The following MACROD2 variants were observed in gnomAD, a reference collection of about 807,000 sequenced individuals.
The protein encoded by MACROD2 is mono-ADP ribosylhydrolase 2, also known as ADP-ribose glycohydrolase MACROD2.
In MACROD2, 36 loss-of-function variants were observed where a neutral mutation model predicts 70.4. The ratio of observed to expected loss-of-function variants is 0.51; its 90% CI spans 0.39 to 0.68. MACROD2 has a LOEUF of 0.68. Among genes scored for constraint, MACROD2 ranks in the 30% least tolerant of loss-of-function variants. MACROD2 has a pLI of 0.00. For missense variants in MACROD2, 496 were observed against 538.4 expected, an observed-to-expected ratio of 0.92 and a Z score of 0.78; for synonymous variants, 172 against 178.8, an observed-to-expected ratio of 0.96 and a Z score of 0.30.
At chr20:15,066,821 G>A (rs1472364724) in intron 5 of MACROD2, among the ~76,000 whole-genome samples, 1 of 151,622 alleles carries the variant, frequency 6.6e-6, no homozygotes, top group Non-Finnish European at 1.5e-5. Context: ...GGCGGAGGTT[G>A]CAGTGAGCCA....
intron 3 of MACROD2, among the ~76,000 whole-genome samples, chr20:14,273,351 T>C (rs1319327668): frequency 9.3e-5 from 14 of 151,220 alleles, no homozygotes; most frequent in Admixed American, 7.3e-4. Flanking sequence ...CACTCAAAAC[T>C]GCTCAACTAC....
intron 3 of MACROD2, among the ~76,000 whole-genome samples, chr20:14,089,374 A>G (rs2054119844): frequency 6.6e-6 from 1 of 152,176 alleles, no homozygotes. Flanking sequence ...AGCTGCCTCT[A>G]CTGAGAGGGG....
intron 8 of MACROD2, among the ~76,000 whole-genome samples, chr20:15,777,181 A>AC (rs1282934681): frequency 3.3e-5 from 5 of 152,152 alleles, no homozygotes; most frequent in African/African-American, 1.2e-4. Flanking sequence ...TTACTACAGC[A>AC]TAAATATGTT....
At chr20:14,901,548 G>C (rs916201180) in intron 5 of MACROD2, among the ~76,000 whole-genome samples, 5 of 152,088 alleles carry the variant, frequency 3.3e-5, no homozygotes, top group African/African-American at 1.2e-4. Flanking sequence ...TCTACTATTT[G>C]TAATTTCATG....
chr20:14,853,030 G>A (rs2073215318), intron 5 of MACROD2, among the ~76,000 whole-genome samples: 2 of 151,920 alleles, frequency 1.3e-5, no homozygotes, highest in Non-Finnish European at 1.5e-5. Context: ...GAAGGGCCTG[G>A]TCATAGAAGG....
chr20:15,641,227 T>C (rs558881742), intron 8 of MACROD2, among the ~76,000 whole-genome samples: 28 of 152,358 alleles, frequency 1.8e-4, no homozygotes, highest in African/African-American at 5.0e-4. Flanking sequence ...GTTTTTCTTA[T>C]TCTTTTCTTC....
chr20:15,976,009 CAA>C (rs2066300921), intron 13 of MACROD2, among the ~76,000 whole-genome samples: 1 of 152,040 alleles, frequency 6.6e-6, no homozygotes, highest in Admixed American at 6.6e-5. Context: ...TCAAGTTTAA[CAA>C]AAAGACACAA....
In MACROD2 at chr20:15,888,944, C is replaced by A. The variant is rs175787; in HGVS notation, c.775+3133C>A. ...AGGCCTTTAACTGCTGCCTTTCCCCCGCCCTGCATCAATTCTTCTCATTCA... is the reference window on the plus strand; with the variant it reads ...AGGCCTTTAACTGCTGCCTTTCCCCAGCCCTGCATCAATTCTTCTCATTCA... On this transcript the variant is annotated intron_variant, in intron 10 of 17. Coordinates refer to ENST00000684519, the MANE Select transcript of MACROD2 (RefSeq NM_001351661.2). Among the ~76,000 whole-genome samples, 11 of 152,242 alleles carry A rather than the reference C, an allele frequency of 7.2e-5. No individual in the cohort carries two copies. In the East Asian group the frequency reaches 1.4e-3, roughly 19 times the overall value.
chr20:14,341,533 G>A (rs754600198), intron 3 of MACROD2, among the ~76,000 whole-genome samples: 1 of 152,190 alleles, frequency 6.6e-6, no homozygotes, highest in Non-Finnish European at 1.5e-5. Flanking sequence ...CAGCTACTTG[G>A]GAGGCTGAGG....
intron 8 of MACROD2, among the ~76,000 whole-genome samples, chr20:15,634,446 C>T (rs1481904255): frequency 1.3e-5 from 2 of 152,208 alleles, no homozygotes; most frequent in African/African-American, 4.8e-5. Context: ...TGACTCTCTA[C>T]CCAGGGCTGA....
chr20:15,515,430 C>G (rs2047554276), intron 8 of MACROD2, among the ~76,000 whole-genome samples: 1 of 152,168 alleles, frequency 6.6e-6, no homozygotes, highest in Non-Finnish European at 1.5e-5. Flanking sequence ...TGTACTTACT[C>G]CTGTTATCTC....
chr20:15,421,822 A>C (rs2046232571), intron 6 of MACROD2, among the ~76,000 whole-genome samples: 1 of 152,234 alleles, frequency 6.6e-6, no homozygotes, highest in South Asian at 2.1e-4. Flanking sequence ...GAGACTGTGA[A>C]CAAGCAAACA....
chr20:15,510,374 C>T (rs2047482394), intron 8 of MACROD2, among the ~76,000 whole-genome samples: 1 of 152,106 alleles, frequency 6.6e-6, no homozygotes. Flanking sequence ...TTTCCTTGTC[C>T]TCTACCTTGA....
chr20:15,020,802 G>T (rs2122960987), intron 5 of MACROD2, among the ~76,000 whole-genome samples: 1 of 151,998 alleles, frequency 6.6e-6, no homozygotes, highest in South Asian at 2.1e-4. Context: ...CAAAAATACA[G>T]TATTATAATC....
intron 3 of MACROD2, among the ~76,000 whole-genome samples, chr20:14,101,560 T>G (rs2148679031): frequency 6.6e-6 from 1 of 152,080 alleles, no homozygotes; most frequent in South Asian, 2.1e-4. Flanking sequence ...TTAGAGAGAG[T>G]TTGCCTGTTA....
intron 8 of MACROD2, among the ~76,000 whole-genome samples, chr20:15,537,871 G>A (rs2047898471): frequency 6.6e-6 from 1 of 152,112 alleles, no homozygotes; most frequent in Non-Finnish European, 1.5e-5. Context: ...ATGCTTTCAA[G>A]GCATCTTAGA....
chr20:15,960,787 G>A (rs6131745), intron 12 of MACROD2, among the ~76,000 whole-genome samples: 12,709 of 152,194 alleles, frequency 0.084, 660 homozygotes, highest in East Asian at 0.25. Flanking sequence ...CAGGACAAGA[G>A]TGCCCTCTGT....
chr20:14,155,919 T>C (rs2055095943), intron 3 of MACROD2, among the ~76,000 whole-genome samples: 1 of 152,198 alleles, frequency 6.6e-6, no homozygotes, highest in South Asian at 2.1e-4. Flanking sequence ...CCCAGCACTT[T>C]GGGTGGCCAA....
chr20:14,005,920 G>T (rs962997044), intron 2 of MACROD2, among the ~76,000 whole-genome samples: 4 of 152,050 alleles, frequency 2.6e-5, no homozygotes, highest in African/African-American at 9.7e-5. Flanking sequence ...AACTTTTAAT[G>T]AGCATTTATA....
Sources: allele counts gnomAD v4.1 joint callset (sites outside exome capture counted in the v4.1 genomes callset), GRCh38; gene constraint gnomAD v4.1.1; transcripts MANE v1.5; gene names NCBI Gene and HGNC (gene_info 2026-07-23, HGNC 2026-07-21).